Variants in TFEC observed in about 807,000 individuals in gnomAD.
The protein encoded by TFEC is transcription factor EC.
In TFEC, 31 loss-of-function variants were observed where a neutral mutation model predicts 41.6. The observed-to-expected ratio is 0.74, with a 90% CI of 0.56 to 1.01. The LOEUF is 1.01. Ranked by LOEUF, TFEC falls within the 50% of genes least tolerant of loss-of-function variation. The pLI is 0.00. For synonymous variants in TFEC, 143 were observed against 140.6 expected, an observed-to-expected ratio of 1.02 and a Z score of -0.12; for missense variants, 402 against 404.1, an observed-to-expected ratio of 0.99 and a Z score of 0.04.
At chr7:116,124,757 A>G (rs947703040) in intron 1 of TFEC, among the ~76,000 whole-genome samples, 2 of 152,180 alleles carry the variant, frequency 1.3e-5, no homozygotes, top group Non-Finnish European at 2.9e-5. Flanking sequence ...TTTTCCCCCA[A>G]TTTTTCAAAC....
intron 3 of TFEC, among the ~76,000 whole-genome samples, chr7:116,090,826 A>G (rs183792069): frequency 6.6e-6 from 1 of 152,256 alleles, no homozygotes; most frequent in East Asian, 1.9e-4. Flanking sequence ...AGGGACATGA[A>G]TGAAGCTGTA....
intron 3 of TFEC, among the ~76,000 whole-genome samples, chr7:116,068,569 T>G (rs553001627): frequency 6.6e-6 from 1 of 151,786 alleles, no homozygotes; most frequent in South Asian, 2.1e-4. Flanking sequence ...TTCAACAGTT[T>G]GAAGACTTTT....
At chr7:116,065,103 C>T (rs1429732519) in intron 3 of TFEC, among the ~76,000 whole-genome samples, 3 of 152,086 alleles carry the variant, frequency 2.0e-5, no homozygotes, top group East Asian at 1.9e-4. Flanking sequence ...CACTACTCTT[C>T]GAAAAGGAGA....
At chr7:115,956,835 G>T in intron 3 of TFEC, 42 bp from the exon 4 acceptor site, 1 of 1,288,348 alleles carries the variant, frequency 7.8e-7, no homozygotes. Context: ...AAAACCTTCT[G>T]TGCAAATTGA....
intron 3 of TFEC, among the ~76,000 whole-genome samples, chr7:116,105,277 G>A (rs1368169763): frequency 6.6e-6 from 1 of 152,168 alleles, no homozygotes; most frequent in Non-Finnish European, 1.5e-5. Flanking sequence ...ATGCAGTAGA[G>A]AGTTTGCAAA....
chr7:116,036,904 T>C (rs761245068), intron 3 of TFEC, among the ~76,000 whole-genome samples: 3 of 152,028 alleles, frequency 2.0e-5, no homozygotes, highest in Non-Finnish European at 4.4e-5. Context: ...GTTGTCTTGG[T>C]TTCCAAAGTC....
intron 3 of TFEC, among the ~76,000 whole-genome samples, chr7:116,039,211 T>C (rs1303371625): frequency 6.6e-6 from 1 of 152,094 alleles, no homozygotes; most frequent in African/African-American, 2.4e-5. Context: ...AAAAGTTAGT[T>C]TTTCTATAAT....
At chr7:115,974,408 A>ATT (rs1562903672) in intron 2 of TFEC, 152 bp from the exon 3 acceptor site, 1 of 31,714 alleles carries the variant, frequency 3.2e-5, no homozygotes, top group East Asian at 3.8e-4. Flanking sequence ...CCTCAATATT[A>ATT]TATATATATA....
At chr7:116,074,281 T>C (rs916688256) in intron 3 of TFEC, among the ~76,000 whole-genome samples, 12 of 151,546 alleles carry the variant, frequency 7.9e-5, no homozygotes, top group African/African-American at 2.2e-4. Context: ...AAATGAAAAA[T>C]GTTTGTCCTC....
intron 1 of TFEC, among the ~76,000 whole-genome samples, chr7:116,124,221 A>G (rs575604660): frequency 6.6e-4 from 100 of 152,298 alleles, no homozygotes; most frequent in African/African-American, 2.2e-3. Context: ...TTAATGGAAT[A>G]TAGTTACTTT....
chr7:116,117,538 C>G (rs968052505), intron 1 of TFEC: 10 of 151,800 alleles, frequency 6.6e-5, no homozygotes, highest in African/African-American at 2.4e-4. Context: ...GCAGGAACCT[C>G]TCTTATCCTA....
intron 1 of TFEC, among the ~76,000 whole-genome samples, chr7:116,008,392 T>C (rs1043000051): frequency 1.3e-5 from 2 of 152,156 alleles, no homozygotes; most frequent in South Asian, 2.1e-4. Flanking sequence ...TAGGCACATA[T>C]ACATATCAAA....
At chr7:115,944,520 C>T (rs1400135571) in intron 6 of TFEC, among the ~76,000 whole-genome samples, 2 of 151,488 alleles carry the variant, frequency 1.3e-5, no homozygotes, top group Non-Finnish European at 2.9e-5. Flanking sequence ...ACCATTTTGA[C>T]CTGCAAAGAA....
chr7:116,091,630 G>C lies in TFEC; in HGVS notation c.198+19078C>G, dbSNP rs1212734946. 3.9e-5 allele frequency among the ~76,000 whole-genome samples: 6 copies of C among 152,030 alleles called. No individual in the cohort carries two copies. The East Asian group carries it at 9.6e-4, about 24-fold the overall frequency. ...AACAAAGATATTTGGCTTCCAAATA[G>C]ATGTCAAAATTGAGTCAATTATACT... is the stretch of plus-strand genomic sequence containing the variant. On this transcript the variant is annotated intron_variant, in intron 3 of 8. Transcript: ENST00000484212.
rs564387425 is a variant in TFEC at position 115,943,045 on chromosome 7, G to A, written c.516-1005C>T. On this transcript the variant is annotated intron_variant, in intron 6 of 7. Coordinates refer to ENST00000265440, the MANE Select transcript of TFEC (RefSeq NM_012252.4). ...TGGTGATGTGACAATGCCATTAGCAGTAAAATATTAAAAGAAGAGACATTT... is the reference window on the plus strand; with the variant it reads ...TGGTGATGTGACAATGCCATTAGCAATAAAATATTAAAAGAAGAGACATTT... Among the ~76,000 whole-genome samples the A allele has an allele frequency of 2.7e-4, 41 of 152,118 alleles. No homozygotes were observed. The East Asian group carries it at 6.8e-3, about 25-fold the overall frequency.
At chr7:115,956,610 AAT>A (rs1197274753) in intron 4 of TFEC, 67 bp downstream of exon 4, 1 of 1,025,884 alleles carries the variant, frequency 9.7e-7, no homozygotes, top group African/African-American at 1.7e-5. Context: ...TAGTTAGCAC[AAT>A]ATATGTCACT....
At chr7:116,105,086 G>A (rs1358067576) in intron 3 of TFEC, among the ~76,000 whole-genome samples, 1 of 151,960 alleles carries the variant, frequency 6.6e-6, no homozygotes, top group Non-Finnish European at 1.5e-5. Flanking sequence ...CCAGTCCTAT[G>A]GCCCCAGAGA....
At position 115,938,306 on chromosome 7, in the gene TFEC, T is replaced by C. The variant is rs1793328008; in HGVS notation, c.*2245A>G. The C allele has an allele frequency of 6.6e-6, 1 of 151,994 alleles. No individual in the cohort carries two copies. The highest frequency in any genetic ancestry group is 2.1e-4 in the South Asian group (1 of 4,832). 9.4% of individuals were successfully genotyped at this position (151,994 alleles called of 1,614,324 possible). On this transcript the variant is annotated 3_prime_UTR_variant, in exon 8 of 8. Coordinates refer to ENST00000265440, the MANE Select transcript of TFEC (RefSeq NM_012252.4). The stretch of plus-strand genomic sequence containing the variant: ...CTCTATCTAATAAAGTGGTGTGTTT[T>C]CTATGAACTCCAAAATATATTCCTT...
In TFEC at chr7:115,938,056, T is replaced by C. The variant is rs1793316009; in HGVS notation, c.*2495A>G. 1 of 151,918 alleles carries C rather than the reference T, an allele frequency of 6.6e-6. No homozygotes were observed. Among genetic ancestry groups the C allele is most frequent in the African/African-American group, 2.4e-5 (1 of 41,404 alleles). The allele number at this position is 151,918 out of a possible 1,614,324, so 9.4% of individuals were successfully genotyped here. A position where few individuals can be genotyped will look rare whatever the true frequency, so the allele number is the denominator to read the frequency against. ...GTTCCCTGACATCTCATAATCTGAA[T>C]GTAGCAGCAAATAGCAGTTCCCTCT... On this transcript the variant is annotated 3_prime_UTR_variant, in exon 8 of 8. Coordinates refer to ENST00000265440, the MANE Select transcript of TFEC (RefSeq NM_012252.4).
Sources: gnomAD v4.1 joint callset for allele counts (sites outside exome capture counted in the v4.1 genomes callset) on GRCh38, gnomAD v4.1.1 for gene constraint, MANE v1.5 for transcripts, NCBI Gene and HGNC (gene_info 2026-07-23, HGNC 2026-07-21) for gene names.